AEBP2: variants seen among roughly 807,000 people sequenced by gnomAD.
AEBP2 encodes zinc finger protein AEBP2.
Under a neutral mutation model 50.8 loss-of-function variants are expected in AEBP2, and 10 were observed. The observed-to-expected ratio is 0.20, with a 90% CI of 0.12 to 0.33. The LOEUF is 0.33. Ranked by LOEUF, AEBP2 falls within the 10% of genes least tolerant of loss-of-function variation. AEBP2 has a pLI of 1.00. For missense variants in AEBP2, 570 were observed against 688.0 expected, an observed-to-expected ratio of 0.83 and a Z score of 1.92; for synonymous variants, 296 against 261.3, an observed-to-expected ratio of 1.13 and a Z score of -1.28.
In AEBP2 at chr12:19,440,125, C is replaced by T. The variant is rs751929284; in HGVS notation, c.426C>T (p.Pro142=). ...GCGACGAGACCCGCTCGTTGAGCCCCGGCGCCGCCAGCAGCAGCAGCGGGG... is the reference window on the plus strand; with the variant it reads ...GCGACGAGACCCGCTCGTTGAGCCCTGGCGCCGCCAGCAGCAGCAGCGGGG... ...SSSDETRSLS[P]GAASSSSGDG... The change falls in exon 1 of 8, where the codon CCC becomes CCT. Residue 142 remains proline (P), a synonymous_variant. Coordinates refer to ENST00000266508, the MANE Select transcript of AEBP2 (RefSeq NM_153207.5). The T allele has an allele frequency of 1.9e-5, 29 of 1,503,674 alleles. No homozygotes were observed. The highest frequency in any genetic ancestry group is 2.5e-5 in the South Asian group (2 of 81,118). 93.1% of individuals were successfully genotyped at this position (1,503,674 alleles called of 1,614,324 possible). A position where few individuals can be genotyped will look rare whatever the true frequency, so the allele number is the denominator to read the frequency against.
intron 3 of AEBP2, among the ~76,000 whole-genome samples, chr12:19,480,838 G>C (rs933927191): frequency 6.6e-6 from 1 of 152,136 alleles, no homozygotes; most frequent in African/African-American, 2.4e-5. Flanking sequence ...TACCTCTTTA[G>C]CAAGGCCAGG....
chr12:19,434,985 G>C (rs1456138032), upstream of AEBP2, among the ~76,000 whole-genome samples: 1 of 151,842 alleles, frequency 6.6e-6, no homozygotes, highest in African/African-American at 2.4e-5. Flanking sequence ...ATTCACTTTT[G>C]ACACTTTTTT....
Position 19,439,862 on chromosome 12 carries a change from G to A in AEBP2, c.163G>A (p.Ala55Thr). The change falls in exon 1 of 8, where the codon GCG becomes ACG. Residue 55 changes from alanine to threonine, a missense_variant. By Grantham distance (58) the Ala-to-Thr change is moderately conservative. Around this residue, in one of 2 missense-constraint regions of AEBP2, gnomAD observed 386 missense variants for 336.8 expected, o/e 1.15. Coordinates refer to ENST00000266508, the MANE Select transcript of AEBP2 (RefSeq NM_153207.5). ...AGAGGAGGCGGAGGCCGAGGCGGTGGCGGCGCTGCTGCTGAACGGCGGCAG... is the reference window on the plus strand; with the variant it reads ...AGAGGAGGCGGAGGCCGAGGCGGTGACGGCGCTGCTGCTGAACGGCGGCAG... ...EEEEAEAEAV[A>T]ALLLNGGSGG... 1 of 1,485,124 alleles carries A rather than the reference G, an allele frequency of 6.7e-7. No homozygotes were observed. The allele number at this position is 1,485,124 out of a possible 1,614,324, so 92.0% of individuals were successfully genotyped here. A position where few individuals can be genotyped will look rare whatever the true frequency, so the allele number is the denominator to read the frequency against.
At chr12:19,422,818 C>A (rs1428584086) in intron 1 of AEBP2, among the ~76,000 whole-genome samples, 1 of 151,946 alleles carries the variant, frequency 6.6e-6, no homozygotes, top group Non-Finnish European at 1.5e-5. Flanking sequence ...AATCACAGCA[C>A]TTTGGGAGGC....
In AEBP2 at chr12:19,521,059, C is replaced by G. The variant is rs112955316; in HGVS notation, c.*2942C>G. The stretch of plus-strand genomic sequence containing the variant: ...GAGTCTCATTATGTATATGCAGATA[C>G]TCAAAAATCTGAAAAAAATCAAAAA... On this transcript the variant is annotated 3_prime_UTR_variant, in exon 8 of 8. Transcript: ENST00000266508. 4.6e-5 allele frequency: 7 copies of G among 152,180 alleles called. No individual in the cohort carries two copies. Among genetic ancestry groups the G allele is most frequent in the African/African-American group, 1.7e-4 (7 of 41,526 alleles). The allele number at this position is 152,180 out of a possible 1,614,324, so 9.4% of individuals were successfully genotyped here. A position where few individuals can be genotyped will look rare whatever the true frequency, so the allele number is the denominator to read the frequency against.
chr12:19,439,543 T>G lies in AEBP2; in HGVS notation c.-157T>G. The G allele has an allele frequency of 1.0e-6, 1 of 979,298 alleles. No individual in the cohort carries two copies. The allele number at this position is 979,298 out of a possible 1,614,324, so 60.7% of individuals were successfully genotyped here. A position where few individuals can be genotyped will look rare whatever the true frequency, so the allele number is the denominator to read the frequency against. On this transcript the variant is annotated 5_prime_UTR_variant, in exon 1 of 8. Transcript: ENST00000266508. ...CGCGCCTGTCCCCGCGCGGGCTCCG[T>G]AGCGCGTGTGCAGGCTGACGCAGCT...
intron 1 of AEBP2, among the ~76,000 whole-genome samples, chr12:19,415,655 T>TCAATACAATA (rs58109649): frequency 0.23 from 30,508 of 131,680 alleles, 3,929 homozygotes; most frequent in East Asian, 0.34. Context: ...AGAGATTAAA[T>TCAATACAATA]CAATACAATA....
Position 19,439,667 on chromosome 12 carries a change from G to A in AEBP2, c.-33G>A. 4.4e-6 allele frequency: 1 copy of A among 227,512 alleles called. No individual in the cohort carries two copies. Among genetic ancestry groups the A allele is most frequent in the Non-Finnish European group, 6.6e-6 (1 of 151,460 alleles). The allele number at this position is 227,512 out of a possible 1,614,324, so 14.1% of individuals were successfully genotyped here. Reference sequence around the variant, plus strand: ...AGTCGAGAGAGGGAGGCGGCGGTGGGGAGGAGGAGGAGGAGGAGGAGCAGG... The same window carrying A: ...AGTCGAGAGAGGGAGGCGGCGGTGGAGAGGAGGAGGAGGAGGAGGAGCAGG... On this transcript the variant is annotated 5_prime_UTR_variant, in exon 1 of 8. Transcript: ENST00000266508.
intron 4 of AEBP2, among the ~76,000 whole-genome samples, chr12:19,496,529 G>A (rs967728935): frequency 1.1e-4 from 16 of 152,228 alleles, no homozygotes; most frequent in Middle Eastern, 3.4e-3. Flanking sequence ...ATCTGTAGCA[G>A]TTAACTTTAC....
At chr12:19,503,075 G>T (rs761845986) in intron 5 of AEBP2, among the ~76,000 whole-genome samples, 5 of 152,132 alleles carry the variant, frequency 3.3e-5, no homozygotes, top group African/African-American at 4.8e-5. Flanking sequence ...GGCTCTTTGC[G>T]CTCCTTTTCA....
chr12:19,494,498 CTTT>C (rs747750453), intron 4 of AEBP2, among the ~76,000 whole-genome samples: 7 of 115,858 alleles, frequency 6.0e-5, no homozygotes, highest in East Asian at 2.5e-4. Context: ...AGCAGTGTTG[CTTT>C]TTTTTTTTTT....
chr12:19,521,183 A>G lies in AEBP2; in HGVS notation c.*3066A>G, dbSNP rs1949392367. 1 of 152,332 alleles carries G rather than the reference A, an allele frequency of 6.6e-6. No individual in the cohort carries two copies. Among genetic ancestry groups the G allele is most frequent in the East Asian group, 1.9e-4 (1 of 5,184 alleles). The allele number at this position is 152,332 out of a possible 1,614,324, so 9.4% of individuals were successfully genotyped here. A position where few individuals can be genotyped will look rare whatever the true frequency, so the allele number is the denominator to read the frequency against. On this transcript the variant is annotated 3_prime_UTR_variant, in exon 8 of 8. Transcript: ENST00000266508. The stretch of plus-strand genomic sequence containing the variant: ...TTTCGATTCCTTTGTCTAGTTGACA[A>G]AAAGTTTGGAAACATAAACTTAGAC...
At chr12:19,514,493 T>C (rs959431300) in intron 6 of AEBP2, among the ~76,000 whole-genome samples, 178 bp from the exon 7 acceptor site, 9 of 152,250 alleles carry the variant, frequency 5.9e-5, no homozygotes, top group Admixed American at 2.0e-4. Context: ...CCATTTCTTA[T>C]CTGGGACTCC....
intron 1 of AEBP2, among the ~76,000 whole-genome samples, chr12:19,425,929 A>G (rs758412903): frequency 2.6e-5 from 4 of 151,942 alleles, no homozygotes; most frequent in Non-Finnish European, 5.9e-5. Flanking sequence ...AAGCTGTCCT[A>G]TGGTGGGATT....
Position 19,480,984 on chromosome 12 carries a change from T to G in AEBP2, c.987+7629T>G, listed in dbSNP as rs538542175. Among the ~76,000 whole-genome samples, 3 of 152,268 alleles carry G rather than the reference T, an allele frequency of 2.0e-5. No homozygotes were observed. In the South Asian group the frequency reaches 6.2e-4, roughly 32 times the overall value. ...ATTTCGTGGAGACTTTGTTAATTTT[T>G]TTTTAAGTGTCTTTTCTTTGTCTTT... is the stretch of plus-strand genomic sequence containing the variant. On this transcript the variant is annotated intron_variant, in intron 3 of 7. Coordinates refer to ENST00000266508, the MANE Select transcript of AEBP2 (RefSeq NM_153207.5).
At chr12:19,486,458 C>G (rs1341439583) in intron 3 of AEBP2, among the ~76,000 whole-genome samples, 1 of 152,020 alleles carries the variant, frequency 6.6e-6, no homozygotes, top group African/African-American at 2.4e-5. Flanking sequence ...GTGGCCTGAT[C>G]TCTACGCACT....
intron 2 of AEBP2, among the ~76,000 whole-genome samples, chr12:19,467,453 C>G (rs1948497417): frequency 6.6e-6 from 1 of 152,062 alleles, no homozygotes; most frequent in Admixed American, 6.6e-5. Flanking sequence ...GCCACCACAC[C>G]TGACTTACTT....
Position 19,496,003 on chromosome 12 carries a change from A to G in AEBP2, c.1174+2017A>G, listed in dbSNP as rs559415799. ...AGTAGCTTGCAGTTGCACACAGAAAATTGCTAAATATATATTATGGTACTC... is the reference window on the plus strand; with the variant it reads ...AGTAGCTTGCAGTTGCACACAGAAAGTTGCTAAATATATATTATGGTACTC... On this transcript the variant is annotated intron_variant, in intron 4 of 7. Transcript: ENST00000266508. Among the ~76,000 whole-genome samples, 4 of 152,304 alleles carry G rather than the reference A, an allele frequency of 2.6e-5. 1 individual carries two copies. Among genetic ancestry groups the G allele is most frequent in the African/African-American group, 9.6e-5 (4 of 41,560 alleles).
chr12:19,499,944 GTCT>G (rs1555186948), intron 4 of AEBP2, 150 bp from the exon 5 acceptor site: 2 of 749,544 alleles, frequency 2.7e-6, no homozygotes, highest in South Asian at 2.0e-5. Context: ...TTGCATATTA[GTCT>G]TCTTATCTAG....
Sources: gnomAD v4.1 joint callset for allele counts (sites outside exome capture counted in the v4.1 genomes callset) on GRCh38, gnomAD v4.1.1 for gene constraint, gnomAD v4.1.1 regional missense constraint, MANE v1.5 for transcripts, NCBI Gene and HGNC (gene_info 2026-07-23, HGNC 2026-07-21) for gene names.